The following RBM41 variants were observed in gnomAD, a reference collection of about 807,000 sequenced individuals.
RBM41 encodes the protein RNA binding motif protein 41.
RBM41 carries 14 observed loss-of-function variants against 30.8 expected under a neutral mutation model. The ratio of observed to expected loss-of-function variants is 0.45; its 90% confidence interval spans 0.30 to 0.71. The LOEUF (loss-of-function observed/expected upper bound fraction) is 0.71, where lower values mean the gene tolerates loss of function less well. Ranked by LOEUF, RBM41 falls within the 30% of genes least tolerant of loss-of-function variation. The pLI is 0.08. For missense variants in RBM41, 276 were observed against 326.3 expected, an observed-to-expected ratio of 0.85 and a Z score of 1.19; for synonymous variants, 120 against 110.1, an observed-to-expected ratio of 1.09 and a Z score of -0.56.
At chrX:107,083,991 T>G (rs1193825534) in intron 6 of RBM41, among the ~76,000 whole-genome samples, 2 of 108,354 alleles carry the variant, frequency 1.8e-5, no homozygotes, top group Non-Finnish European at 3.8e-5. Context: ...TAATAGGAAC[T>G]AATCCAAAGA....
Position 107,113,477 on chromosome X carries a change from G to C in RBM41, c.524-9C>G. ...TGTCTTTTTGTGGTATGCTGTGAAG[G>C]TTTAAAGCAAGGAGTTTCAAAGATA... is the stretch of plus-strand genomic sequence containing the variant. On this transcript the variant is annotated splice_polypyrimidine_tract_variant and intron_variant, in intron 4 of 7. Coordinates refer to ENST00000685964, the MANE Select transcript of RBM41 (RefSeq NM_001324242.2). 1 of 982,295 alleles carries C rather than the reference G, an allele frequency of 1.0e-6. No homozygotes were observed. Among genetic ancestry groups the C allele is most frequent in the Non-Finnish European group, 1.3e-6 (1 of 755,864 alleles). 81.0% of individuals were successfully genotyped at this position (982,295 alleles called of 1,213,427 possible).
intron 5 of RBM41, among the ~76,000 whole-genome samples, chrX:107,095,279 A>C (rs1458297496): frequency 9.0e-6 from 1 of 111,684 alleles, no homozygotes; most frequent in Non-Finnish European, 1.9e-5. Context: ...GAGTTTAGTC[A>C]CAGGATACAA....
At chrX:107,069,044 G>A (rs1269269339) in intron 7 of RBM41, among the ~76,000 whole-genome samples, 2 of 111,726 alleles carry the variant, frequency 1.8e-5, no homozygotes, top group Non-Finnish European at 3.8e-5. Context: ...ACCAAGACTG[G>A]GAAAAACTGA....
At chrX:107,058,314 AAAAT>A (rs1326671996), downstream of RBM41, among the ~76,000 whole-genome samples, 12 of 100,518 alleles carry the variant, frequency 1.2e-4, no homozygotes, top group African/African-American at 4.3e-4. Flanking sequence ...AAAAAAAAAA[AAAAT>A]GATCTTTGAT....
intron 5 of RBM41, among the ~76,000 whole-genome samples, chrX:107,098,727 G>A (rs1433493567): frequency 1.8e-5 from 2 of 111,736 alleles, no homozygotes; most frequent in Admixed American, 9.5e-5. Flanking sequence ...AGGCCCAGGC[G>A]CGGTGGCTCA....
intron 5 of RBM41, among the ~76,000 whole-genome samples, chrX:107,103,950 A>G (rs1292688002): frequency 9.0e-6 from 1 of 110,896 alleles, no homozygotes; most frequent in South Asian, 3.8e-4. Context: ...AGATGGTCCG[A>G]TGATTGTCTT....
intron 1 of RBM41, among the ~76,000 whole-genome samples, chrX:107,117,245 G>C (rs746177043): frequency 1.8e-5 from 2 of 112,071 alleles, no homozygotes; most frequent in South Asian, 7.5e-4. Context: ...AGTACAAAGG[G>C]ATAGTAATAT....
chrX:107,088,111 T>C (rs1239274726), intron 6 of RBM41, among the ~76,000 whole-genome samples: 1 of 111,935 alleles, frequency 8.9e-6, no homozygotes, highest in African/African-American at 3.2e-5. Flanking sequence ...CTATGAACAC[T>C]ATTTGATTAT....
intron 5 of RBM41, among the ~76,000 whole-genome samples, chrX:107,098,466 C>CA (rs1045398203): frequency 2.4e-4 from 26 of 109,417 alleles, no homozygotes; most frequent in African/African-American, 8.3e-4. Flanking sequence ...AAGAGAGAAT[C>CA]AAAAAAAAAT....
intron 6 of RBM41, among the ~76,000 whole-genome samples, chrX:107,086,456 C>T (rs1331759678): frequency 9.1e-6 from 1 of 110,063 alleles, no homozygotes; most frequent in Non-Finnish European, 1.9e-5. Context: ...TTCAGATGCA[C>T]ACTAACATTT....
At chrX:107,055,418 A>G in the RBM41 span, among the ~76,000 whole-genome samples, 2 of 111,431 alleles carry the variant, frequency 1.8e-5, no homozygotes, top group Non-Finnish European at 3.8e-5. Flanking sequence ...TCCGCCTCCC[A>G]GGTTCACGCC....
intron 6 of RBM41, among the ~76,000 whole-genome samples, chrX:107,075,683 T>C (rs1325817504): frequency 9.0e-6 from 1 of 111,213 alleles, no homozygotes; most frequent in Non-Finnish European, 1.9e-5. Flanking sequence ...CACAATGAGA[T>C]ACCACATACC....
At chrX:107,105,863 T>C (rs1043445292) in intron 5 of RBM41, among the ~76,000 whole-genome samples, 3 of 111,422 alleles carry the variant, frequency 2.7e-5, no homozygotes, top group Non-Finnish European at 3.8e-5. Flanking sequence ...ATACAAAAAT[T>C]AATTCAAGAT....
chrX:107,107,002 T>C (rs1285305137), intron 5 of RBM41, among the ~76,000 whole-genome samples: 1 of 111,550 alleles, frequency 9.0e-6, no homozygotes, highest in Non-Finnish European at 1.9e-5. Flanking sequence ...ACATGTACCC[T>C]AAAACTTAAA....
At chrX:107,083,050 T>A (rs920493825) in intron 6 of RBM41, among the ~76,000 whole-genome samples, 107 of 111,028 alleles carry the variant, frequency 9.6e-4, no homozygotes, top group African/African-American at 3.3e-3. Context: ...TGCTTATCTC[T>A]GGAGAACTTT....
In RBM41 at chrX:107,091,056, G is replaced by A. The variant is rs185216268; in HGVS notation, c.596-2217C>T. On this transcript the variant is annotated intron_variant, in intron 5 of 7. Transcript: ENST00000685964. The stretch of plus-strand genomic sequence containing the variant: ...CTCCCACTTATGAGTGAGAACATGC[G>A]GTGTTTGGTTTTCTGTTCTTGTGTT... 1.9e-3 allele frequency among the ~76,000 whole-genome samples: 210 copies of A among 110,476 alleles called. 1 individual carries two copies. Among genetic ancestry groups the A allele is most frequent in the African/African-American group, 4.9e-3 (149 of 30,337 alleles).
downstream of RBM41, among the ~76,000 whole-genome samples, chrX:107,060,429 A>G (rs1358110587): frequency 9.2e-6 from 1 of 109,271 alleles, no homozygotes; most frequent in Non-Finnish European, 1.9e-5. Context: ...ATAAAAAGGG[A>G]TTTGCCCTTT....
intron 6 of RBM41, among the ~76,000 whole-genome samples, chrX:107,075,344 C>G (rs1343770460): frequency 8.9e-6 from 1 of 111,882 alleles, no homozygotes; most frequent in African/African-American, 3.3e-5. Context: ...TCACATTAGT[C>G]TTGGCAATGA....
intron 6 of RBM41, 53 bp from the exon 7 acceptor site, chrX:107,069,455 CTT>C (rs1412025742): frequency 1.8e-6 from 2 of 1,124,682 alleles, no homozygotes; most frequent in East Asian, 3.1e-5. Flanking sequence ...GTAAGGCACT[CTT>C]TGTTTTTTTC....
Sources: gnomAD v4.1 joint callset for allele counts (sites outside exome capture counted in the v4.1 genomes callset) on GRCh38, gnomAD v4.1.1 for gene constraint, MANE v1.5 for transcripts, NCBI Gene and HGNC (gene_info 2026-07-23, HGNC 2026-07-21) for gene names.